FANCB: variants seen among roughly 807,000 people sequenced by gnomAD.
FANCB encodes the protein Fanconi anemia group B protein.
Under a neutral mutation model 38.9 loss-of-function variants are expected in FANCB, and 5 were observed. The ratio of observed to expected loss-of-function variants is 0.13; its 90% CI spans 0.07 to 0.27. FANCB has a LOEUF of 0.27. Ranked by LOEUF, FANCB falls within the 10% of genes least tolerant of loss-of-function variation. FANCB has a pLI of 1.00. For missense variants in FANCB, 573 were observed against 602.7 expected (o/e 0.95, Z 0.52); for synonymous variants, 236 against 215.4 (o/e 1.10, Z -0.84).
At chrX:14,711,241 G>A in the FANCB span, among the ~76,000 whole-genome samples, 2 of 112,285 alleles carry the variant, frequency 1.8e-5, no homozygotes, top group South Asian at 7.3e-4. Flanking sequence ...CCCTGGGAGG[G>A]TTCCCTTGCC....
At chrX:14,726,851 A>G in the FANCB span, among the ~76,000 whole-genome samples, 3 of 112,118 alleles carry the variant, frequency 2.7e-5, no homozygotes, top group African/African-American at 6.5e-5. Context: ...TACCCTTTCT[A>G]TTTCTTTAGG....
the FANCB span, among the ~76,000 whole-genome samples, chrX:14,751,927 C>A: frequency 6.2e-5 from 7 of 112,052 alleles, no homozygotes; most frequent in African/African-American, 2.3e-4. Flanking sequence ...AGTTTTAGCA[C>A]TGCTGAAAAT....
chrX:14,840,769 T>C (rs1373677257), downstream of FANCB, among the ~76,000 whole-genome samples: 1 of 111,859 alleles, frequency 8.9e-6, no homozygotes, highest in Non-Finnish European at 1.9e-5. Flanking sequence ...ACAGAAACTT[T>C]CTAGCTGAAC....
chrX:14,841,951 T>A (rs1791136906), downstream of FANCB, among the ~76,000 whole-genome samples: 1 of 112,005 alleles, frequency 8.9e-6, no homozygotes, highest in Admixed American at 9.5e-5. Context: ...ACTATTACAA[T>A]TAAATCCTGT....
chrX:14,750,029 A>T, the FANCB span, among the ~76,000 whole-genome samples: 2 of 112,467 alleles, frequency 1.8e-5, no homozygotes, highest in South Asian at 7.3e-4. Flanking sequence ...AAAATAACAT[A>T]AAAATTGTAT....
chrX:14,734,868 C>T, the FANCB span, among the ~76,000 whole-genome samples: 4 of 109,315 alleles, frequency 3.7e-5, no homozygotes, highest in Non-Finnish European at 5.7e-5. Context: ...ACCAATCAAA[C>T]GTAGATTTGG....
intron 1 of FANCB, among the ~76,000 whole-genome samples, chrX:14,872,001 A>G (rs2092500430): frequency 9.0e-6 from 1 of 111,297 alleles, no homozygotes; most frequent in South Asian, 3.7e-4. Context: ...ATAAGAAGTG[A>G]CAGAGCCAGG....
chrX:14,786,936 G>A, the FANCB span, among the ~76,000 whole-genome samples: 3 of 111,705 alleles, frequency 2.7e-5, no homozygotes, highest in South Asian at 7.5e-4. Flanking sequence ...CAAACGAAGT[G>A]AAATGTCAGA....
the FANCB span, among the ~76,000 whole-genome samples, chrX:14,809,477 T>C: frequency 1.8e-5 from 2 of 111,232 alleles, no homozygotes; most frequent in Admixed American, 9.5e-5. Flanking sequence ...ACTCCCACCC[T>C]AATACTGTGC....
the FANCB span, among the ~76,000 whole-genome samples, chrX:14,819,425 G>A: frequency 8.9e-6 from 1 of 111,868 alleles, no homozygotes; most frequent in African/African-American, 3.2e-5. Context: ...GTGAAGTAAT[G>A]AGGACTCAAA....
the FANCB span, among the ~76,000 whole-genome samples, chrX:14,797,988 G>C: frequency 1.8e-5 from 2 of 110,907 alleles, no homozygotes; most frequent in Admixed American, 1.9e-4. Flanking sequence ...TAGCAAGCAA[G>C]CACACAGCCC....
At chrX:14,744,158 G>A in the FANCB span, among the ~76,000 whole-genome samples, 1 of 111,448 alleles carries the variant, frequency 9.0e-6, no homozygotes, top group Non-Finnish European at 1.9e-5. Flanking sequence ...GAGATAGCTT[G>A]GTGACTGAGC....
the FANCB span, among the ~76,000 whole-genome samples, chrX:14,820,404 C>G: frequency 8.0e-5 from 9 of 111,893 alleles, no homozygotes; most frequent in Admixed American, 4.7e-4. Flanking sequence ...TTATATACTC[C>G]CACAACTACT....
At chrX:14,717,215 G>A in the FANCB span, among the ~76,000 whole-genome samples, 11 of 110,186 alleles carry the variant, frequency 1.0e-4, no homozygotes, top group East Asian at 2.9e-3. Context: ...CCCTCCAAGT[G>A]GAGGGCCTGG....
chrX:14,844,744 C>CA lies in FANCB; in HGVS notation c.1928-5dup. ...GCAAAAAGATCTTCCATGTGCTCTA[C>CA]AAAAAAAGTCACAAGCTCTATCATT... On this transcript the variant is annotated splice_polypyrimidine_tract_variant and splice_region_variant and intron_variant, in intron 8 of 9. Coordinates refer to ENST00000650831, the MANE Select transcript of FANCB (RefSeq NM_001018113.3). The CA allele has an allele frequency of 8.4e-7, 1 of 1,188,333 alleles. No homozygotes were observed. Among genetic ancestry groups the CA allele is most frequent in the Non-Finnish European group, 1.1e-6 (1 of 874,320 alleles).
the FANCB span, among the ~76,000 whole-genome samples, chrX:14,771,842 T>C: frequency 9.0e-6 from 1 of 110,724 alleles, no homozygotes; most frequent in African/African-American, 3.4e-5. Context: ...TTGTTGTTCA[T>C]GTTGTTGTTG....
At chrX:14,741,735 G>A in the FANCB span, among the ~76,000 whole-genome samples, 1 of 111,778 alleles carries the variant, frequency 8.9e-6, no homozygotes, top group Admixed American at 9.5e-5. Context: ...TATAAAATTA[G>A]CACAAGTCCG....
the FANCB span, among the ~76,000 whole-genome samples, chrX:14,753,937 A>G: frequency 1.8e-5 from 2 of 112,564 alleles, no homozygotes; most frequent in African/African-American, 6.4e-5. Context: ...TAGAAAGAAT[A>G]TGCACAGGAT....
At chrX:14,718,749 C>T in the FANCB span, among the ~76,000 whole-genome samples, 1 of 111,699 alleles carries the variant, frequency 9.0e-6, no homozygotes, top group Non-Finnish European at 1.9e-5. Flanking sequence ...ATGGCAGCCT[C>T]AGGGTAGTTG....
Sources: gnomAD v4.1 joint callset for allele counts (sites outside exome capture counted in the v4.1 genomes callset) on GRCh38, gnomAD v4.1.1 for gene constraint, MANE v1.5 for transcripts, NCBI Gene and HGNC (gene_info 2026-07-23, HGNC 2026-07-21) for gene names.